The following TMC1 variants were observed in gnomAD, a reference collection of about 807,000 sequenced individuals.
TMC1 encodes transmembrane channel like 1.
A neutral mutation model predicts 105.8 loss-of-function variants in TMC1; 84 were observed. That is an observed-to-expected ratio of 0.79 (90% confidence interval 0.67 to 0.95). TMC1 has a LOEUF of 0.95. Ranked by LOEUF, TMC1 falls within the 40% of genes least tolerant of loss-of-function variation. The pLI is 0.00. For synonymous variants in TMC1, 315 were observed against 311.5 expected, an observed-to-expected ratio of 1.01 and a Z score of -0.12; for missense variants, 817 against 914.1, an observed-to-expected ratio of 0.89 and a Z score of 1.37.
intron 2 of TMC1, among the ~76,000 whole-genome samples, chr9:72,587,596 A>G (rs1319533395): frequency 6.6e-6 from 1 of 152,138 alleles, no homozygotes; most frequent in Non-Finnish European, 1.5e-5. Context: ...TGGAAGATGC[A>G]TTTTTATGTG....
At chr9:72,769,769 C>T (rs935878849) in intron 12 of TMC1, among the ~76,000 whole-genome samples, 1 of 152,188 alleles carries the variant, frequency 6.6e-6, no homozygotes, top group Non-Finnish European at 1.5e-5. Context: ...ACCATTATCA[C>T]TGAGTGTCAC....
chr9:72,777,243 C>G (rs1828021371), intron 13 of TMC1, among the ~76,000 whole-genome samples: 1 of 152,316 alleles, frequency 6.6e-6, no homozygotes, highest in East Asian at 1.9e-4. Context: ...TTCCATGTCT[C>G]TTGACATCCT....
chr9:72,756,319 T>C (rs981075222), intron 12 of TMC1, among the ~76,000 whole-genome samples: 2 of 152,116 alleles, frequency 1.3e-5, no homozygotes, highest in African/African-American at 2.4e-5. Flanking sequence ...GTTAGCAAAA[T>C]TTAAAAAAAG....
chr9:72,758,970 G>T (rs187648244), intron 12 of TMC1, among the ~76,000 whole-genome samples: 212 of 152,228 alleles, frequency 1.4e-3, no homozygotes, highest in Middle Eastern at 3.4e-3. Flanking sequence ...GGAAGGCACA[G>T]ATATCTTGAC....
intron 13 of TMC1, among the ~76,000 whole-genome samples, chr9:72,783,341 C>A (rs186870175): frequency 6.6e-6 from 1 of 152,110 alleles, no homozygotes; most frequent in Non-Finnish European, 1.5e-5. Flanking sequence ...GCCTGAGAGC[C>A]CCTGGCAAAC....
intron 8 of TMC1, among the ~76,000 whole-genome samples, chr9:72,714,854 T>C (rs1826892683): frequency 6.6e-6 from 1 of 152,204 alleles, no homozygotes; most frequent in Non-Finnish European, 1.5e-5. Flanking sequence ...GATTTCTTCA[T>C]AGCGTTGATG....
chr9:72,609,179 CCCTT>C (rs60808924), intron 2 of TMC1, among the ~76,000 whole-genome samples: 29,095 of 135,942 alleles, frequency 0.21, 3,290 homozygotes, highest in East Asian at 0.42. Flanking sequence ...CTTCCTCCTT[CCCTT>C]CCTTCCTTCC....
At chr9:72,648,502 T>C in intron 4 of TMC1, 95 bp from the exon 5 acceptor site, 2 of 735,888 alleles carry the variant, frequency 2.7e-6, no homozygotes, top group South Asian at 3.1e-5. Flanking sequence ...AAGTTTCAGA[T>C]GGTGAAATGG....
chr9:72,715,809 A>C (rs930364346), intron 8 of TMC1, among the ~76,000 whole-genome samples: 6 of 152,112 alleles, frequency 3.9e-5, no homozygotes, highest in Non-Finnish European at 8.8e-5. Context: ...CTTGCTGGCA[A>C]GGAGTTGTGA....
In TMC1 at chr9:72,754,811, GT is replaced by G; in HGVS notation, c.671del (p.Leu224TyrfsTer46). The G allele has an allele frequency of 6.2e-7, 1 of 1,614,118 alleles. No homozygotes were observed. The highest frequency in any genetic ancestry group is 1.1e-5 in the South Asian group (1 of 91,084). On this transcript the variant is annotated frameshift_variant, in exon 12 of 24. Transcript: ENST00000297784. LOFTEE classifies it high-confidence loss of function. The stretch of plus-strand genomic sequence containing the variant: ...TACCTCTGGGGTTTGCCATATGGCA[GT>G]TTACCTAGGAAAACCGTTCCCAGAG... ...PEYLWGLPYG[S>X]LPRKTVPRAE... is the part of the protein sequence containing the mutation.
At chr9:72,598,807 G>A (rs1315579777) in intron 2 of TMC1, among the ~76,000 whole-genome samples, 1 of 152,124 alleles carries the variant, frequency 6.6e-6, no homozygotes, top group Non-Finnish European at 1.5e-5. Context: ...GGAGGGGGAG[G>A]ACTTTGGACT....
chr9:72,668,660 T>G (rs1826080967), intron 5 of TMC1, among the ~76,000 whole-genome samples: 1 of 152,218 alleles, frequency 6.6e-6, no homozygotes, highest in Non-Finnish European at 1.5e-5. Context: ...CTGAGCTCTA[T>G]TACAAGATAG....
intron 7 of TMC1, among the ~76,000 whole-genome samples, chr9:72,697,933 A>C (rs1371994168): frequency 1.2e-4 from 19 of 152,060 alleles, no homozygotes; most frequent in Admixed American, 1.2e-3. Context: ...CTATCTATGT[A>C]ATTTAAAGTT....
At chr9:72,738,884 A>G (rs1192466279) in intron 8 of TMC1, among the ~76,000 whole-genome samples, 1 of 152,128 alleles carries the variant, frequency 6.6e-6, no homozygotes, top group African/African-American at 2.4e-5. Flanking sequence ...TGTTTCTATC[A>G]TGACAGAGGC....
intron 13 of TMC1, among the ~76,000 whole-genome samples, chr9:72,786,433 ACTC>A (rs1431938401): frequency 1.3e-5 from 2 of 152,006 alleles, no homozygotes; most frequent in Admixed American, 6.6e-5. Context: ...GACAGAGAAG[ACTC>A]CTCCTCAAAC....
chr9:72,788,556 A>G, intron 14 of TMC1, 73 bp downstream of exon 14: 1 of 1,441,354 alleles, frequency 6.9e-7, no homozygotes, highest in Admixed American at 1.7e-5. Flanking sequence ...CATCTGGTCC[A>G]GTAGTGCAGT....
At chr9:72,563,598 A>G (rs1356978345) in intron 1 of TMC1, among the ~76,000 whole-genome samples, 1 of 152,030 alleles carries the variant, frequency 6.6e-6, no homozygotes, top group Non-Finnish European at 1.5e-5. Context: ...TGAAGAATAA[A>G]TGGTAGCAAG....
intron 6 of TMC1, among the ~76,000 whole-genome samples, chr9:72,693,075 G>T (rs1411699448): frequency 1.3e-5 from 2 of 150,038 alleles, no homozygotes; most frequent in Non-Finnish European, 2.9e-5. Flanking sequence ...AGCCGAGACT[G>T]TGCTATTGTA....
At chr9:72,819,127 G>A (rs553289135) in intron 19 of TMC1, among the ~76,000 whole-genome samples, 2 of 152,280 alleles carry the variant, frequency 1.3e-5, no homozygotes, top group South Asian at 4.1e-4. Context: ...GAAGAGCTTT[G>A]CTCTTAGAAC....
Sources: allele counts gnomAD v4.1 joint callset (sites outside exome capture counted in the v4.1 genomes callset), GRCh38; gene constraint gnomAD v4.1.1; transcripts MANE v1.5; gene names NCBI Gene and HGNC (gene_info 2026-07-23, HGNC 2026-07-21).